The following POLE2 variants were observed in gnomAD, a reference collection of about 807,000 sequenced individuals.
The protein encoded by POLE2 is DNA polymerase epsilon subunit 2.
In POLE2, 56 loss-of-function variants were observed where a neutral mutation model predicts 79.4. The observed-to-expected ratio is 0.71, with a 90% CI of 0.57 to 0.88. POLE2 has a LOEUF of 0.88. Ranked by LOEUF, POLE2 falls within the 40% of genes least tolerant of loss-of-function variation. The pLI is 0.00. For missense variants in POLE2, 598 were observed against 638.9 expected (o/e 0.94, Z 0.69); for synonymous variants, 212 against 214.0 (o/e 0.99, Z 0.08).
At chr14:49,686,514 G>T (rs1265047514) in intron 1 of POLE2, among the ~76,000 whole-genome samples, 1 of 152,166 alleles carries the variant, frequency 6.6e-6, no homozygotes, top group Non-Finnish European at 1.5e-5. Flanking sequence ...CTTGTGAAAA[G>T]ACCCTGAAGT....
chr14:49,674,102 T>G (rs1170494279), intron 5 of POLE2, 21 bp downstream of exon 5: 2 of 1,370,062 alleles, frequency 1.5e-6, no homozygotes, highest in South Asian at 2.3e-5. Flanking sequence ...TATCCTCCCC[T>G]CCGCCCCCTA....
At chr14:49,657,922 G>A (rs1884815395) in intron 10 of POLE2, among the ~76,000 whole-genome samples, 1 of 152,038 alleles carries the variant, frequency 6.6e-6, no homozygotes, top group African/African-American at 2.4e-5. Context: ...AGAAAAGTTG[G>A]TTCAGAAATG....
chr14:49,658,319 G>A (rs780019544), intron 10 of POLE2, among the ~76,000 whole-genome samples: 3 of 151,872 alleles, frequency 2.0e-5, no homozygotes, highest in East Asian at 1.9e-4. Flanking sequence ...CTCGTGATCC[G>A]CCCGCCTAGG....
At chr14:49,653,411 C>G (rs923801213) in intron 15 of POLE2, among the ~76,000 whole-genome samples, 2 of 152,094 alleles carry the variant, frequency 1.3e-5, no homozygotes, top group African/African-American at 2.4e-5. Flanking sequence ...TCCTTTGTAA[C>G]CTTTCTTAAA....
intron 10 of POLE2, among the ~76,000 whole-genome samples, chr14:49,659,275 T>TA (rs1884931015): frequency 1.3e-5 from 2 of 151,772 alleles, no homozygotes; most frequent in African/African-American, 4.8e-5. Flanking sequence ...TTTTTTTTTT[T>TA]AATTAGCAGT....
chr14:49,678,521 A>T (rs1174704605), intron 3 of POLE2, among the ~76,000 whole-genome samples: 1 of 152,220 alleles, frequency 6.6e-6, no homozygotes, highest in Non-Finnish European at 1.5e-5. Context: ...GGGGAAAATA[A>T]GTAAATAAAT....
intron 10 of POLE2, among the ~76,000 whole-genome samples, chr14:49,657,992 C>G (rs544865301): frequency 6.6e-6 from 1 of 152,074 alleles, no homozygotes; most frequent in Non-Finnish European, 1.5e-5. Context: ...TTCAAATGCC[C>G]CCTCCCCACA....
intron 10 of POLE2, among the ~76,000 whole-genome samples, chr14:49,656,335 G>A (rs1338506774): frequency 1.5e-4 from 22 of 146,270 alleles, no homozygotes; most frequent in African/African-American, 3.5e-4. Flanking sequence ...CAACCTGGGC[G>A]ACAGTGAGAC....
rs1328737091 is a variant in POLE2 at position 49,677,858 on chromosome 14, C to T, written c.245+1867G>A. On this transcript the variant is annotated intron_variant, in intron 3 of 18. Coordinates refer to ENST00000216367, the MANE Select transcript of POLE2 (RefSeq NM_002692.4). Reference sequence around the variant, plus strand: ...CCTCAGTCAGCTGGAGGTACTGCAGCCCCCAGCTCCTGGCCAGCACACTGC... The same window carrying T: ...CCTCAGTCAGCTGGAGGTACTGCAGTCCCCAGCTCCTGGCCAGCACACTGC... 7 of 421,996 alleles carry T rather than the reference C, an allele frequency of 1.7e-5. No individual in the cohort carries two copies. In the South Asian group the frequency reaches 3.0e-4, roughly 18 times the overall value. The allele number at this position is 421,996 out of a possible 1,614,324, so 26.1% of individuals were successfully genotyped here.
intron 18 of POLE2, among the ~76,000 whole-genome samples, chr14:49,645,235 G>T (rs968643779): frequency 1.3e-5 from 2 of 150,684 alleles, no homozygotes; most frequent in Admixed American, 1.3e-4. Flanking sequence ...CCAACTACAT[G>T]TGAGAATGTG....
chr14:49,672,009 G>C (rs924619082), intron 5 of POLE2, among the ~76,000 whole-genome samples: 1 of 152,154 alleles, frequency 6.6e-6, no homozygotes, highest in African/African-American at 2.4e-5. Flanking sequence ...ATCAAGACAG[G>C]CTCCAGAAAG....
chr14:49,679,570 T>C (rs566522817), intron 3 of POLE2, 155 bp downstream of exon 3: 1 of 545,048 alleles, frequency 1.8e-6, no homozygotes, highest in African/African-American at 1.9e-5. Context: ...AATAATGAGG[T>C]TTGCAAAGAA....
At chr14:49,674,102 T>A (rs1170494279) in intron 5 of POLE2, 21 bp downstream of exon 5, 1 of 1,369,940 alleles carries the variant, frequency 7.3e-7, no homozygotes, top group Non-Finnish European at 1.0e-6. Flanking sequence ...TATCCTCCCC[T>A]CCGCCCCCTA....
intron 1 of POLE2, among the ~76,000 whole-genome samples, chr14:49,687,422 A>C (rs1887232778): frequency 6.6e-6 from 1 of 151,828 alleles, no homozygotes; most frequent in South Asian, 2.1e-4. Flanking sequence ...CCTCAAAAAC[A>C]CGGATATGCC....
chr14:49,672,613 C>T (rs1885979218), intron 5 of POLE2, among the ~76,000 whole-genome samples: 1 of 152,026 alleles, frequency 6.6e-6, no homozygotes, highest in Non-Finnish European at 1.5e-5. Context: ...GATTCTCCTG[C>T]CTCAGCCTCC....
At chr14:49,657,910 T>C (rs894452505) in intron 10 of POLE2, among the ~76,000 whole-genome samples, 1 of 152,150 alleles carries the variant, frequency 6.6e-6, no homozygotes, top group Non-Finnish European at 1.5e-5. Flanking sequence ...TTTTTACAAA[T>C]GAGAAAAGTT....
chr14:49,677,990 T>C (rs1400931405), intron 3 of POLE2: 2 of 173,286 alleles, frequency 1.2e-5, no homozygotes, highest in African/African-American at 2.8e-5. Flanking sequence ...CTTTATTTTA[T>C]TTTATTTATT....
intron 15 of POLE2, among the ~76,000 whole-genome samples, chr14:49,653,111 A>T (rs1349597827): frequency 6.6e-6 from 1 of 152,198 alleles, no homozygotes; most frequent in Non-Finnish European, 1.5e-5. Flanking sequence ...GAGGTTAGGG[A>T]CACTCGTGGG....
chr14:49,647,610 C>T (rs778669342), intron 17 of POLE2, among the ~76,000 whole-genome samples: 2 of 151,992 alleles, frequency 1.3e-5, no homozygotes, highest in African/African-American at 2.4e-5. Flanking sequence ...TGGGCCACCA[C>T]GCCTAGCTAA....
Sources: allele counts gnomAD v4.1 joint callset (sites outside exome capture counted in the v4.1 genomes callset), GRCh38; gene constraint gnomAD v4.1.1; transcripts MANE v1.5; gene names NCBI Gene and HGNC (gene_info 2026-07-23, HGNC 2026-07-21).